The following WASF3 variants were observed in gnomAD, a reference collection of about 807,000 sequenced individuals.
The protein encoded by WASF3 is WASP family member 3, also known as actin-binding protein WASF3.
WASF3 carries 11 observed loss-of-function variants against 46.6 expected under a neutral mutation model. The ratio of observed to expected loss-of-function variants is 0.24; its 90% CI spans 0.15 to 0.39. The LOEUF (loss-of-function observed/expected upper bound fraction) is 0.39, where lower values mean the gene tolerates loss of function less well. WASF3 is among the 10% of genes least tolerant of loss of function. The pLI is 1.00. For missense variants in WASF3, 576 were observed against 669.8 expected (o/e 0.86, Z 1.55); for synonymous variants, 242 against 259.7 (o/e 0.93, Z 0.65).
At chr13:26,640,797 T>C (rs574269104) in intron 2 of WASF3, 3 of 150,232 alleles carry the variant, frequency 2.0e-5, no homozygotes, top group East Asian at 1.9e-4. Context: ...TTGACTCTTA[T>C]TTAAGTCTGA....
chr13:26,685,087 CAAAA>C (rs57659738), intron 9 of WASF3, among the ~76,000 whole-genome samples: 11 of 134,690 alleles, frequency 8.2e-5, no homozygotes, highest in East Asian at 2.2e-4. Flanking sequence ...GACCCAATCT[CAAAA>C]AAAAAAAAAA....
At chr13:26,610,518 G>T (rs1259637272) in intron 1 of WASF3, among the ~76,000 whole-genome samples, 2 of 152,192 alleles carry the variant, frequency 1.3e-5, no homozygotes, top group East Asian at 3.8e-4. Flanking sequence ...TTATTGAGCA[G>T]GTAGAGGCAT....
chr13:26,614,640 A>G (rs12867025), intron 2 of WASF3, among the ~76,000 whole-genome samples: 40,952 of 151,964 alleles, frequency 0.27, 5,986 homozygotes, highest in Non-Finnish European at 0.34. Context: ...TTCACTTCCT[A>G]TCCAATTTAT....
chr13:26,588,457 C>A (rs1003659990), intron 1 of WASF3, among the ~76,000 whole-genome samples: 2 of 152,166 alleles, frequency 1.3e-5, no homozygotes, highest in Non-Finnish European at 2.9e-5. Context: ...TGTCTGTCCC[C>A]ATTCAGTCAG....
chr13:26,540,198 T>C, the WASF3 span, among the ~76,000 whole-genome samples: 1 of 152,196 alleles, frequency 6.6e-6, no homozygotes, highest in Non-Finnish European at 1.5e-5. Flanking sequence ...TGCCAGTTCC[T>C]GCTCCTCCTA....
At chr13:26,602,108 T>G (rs1031726526) in intron 1 of WASF3, among the ~76,000 whole-genome samples, 1 of 152,198 alleles carries the variant, frequency 6.6e-6, no homozygotes, top group African/African-American at 2.4e-5. Flanking sequence ...AAGGGGAGCT[T>G]GAGACTCAAA....
chr13:26,640,440 C>T (rs1170610577), intron 2 of WASF3: 2 of 150,102 alleles, frequency 1.3e-5, no homozygotes, highest in African/African-American at 4.9e-5. Flanking sequence ...CTCACTCTGT[C>T]ACCCAGGCTG....
chr13:26,618,133 CACTT>C (rs1347691366), intron 2 of WASF3, among the ~76,000 whole-genome samples: 1 of 152,174 alleles, frequency 6.6e-6, no homozygotes, highest in African/African-American at 2.4e-5. Context: ...CACCCATTAA[CACTT>C]ACTGTGATTA....
chr13:26,573,849 A>G (rs989170893), intron 1 of WASF3, among the ~76,000 whole-genome samples: 4 of 152,214 alleles, frequency 2.6e-5, no homozygotes, highest in Non-Finnish European at 4.4e-5. Flanking sequence ...TCCAAAGGTA[A>G]CCACTAAGTT....
intron 2 of WASF3, chr13:26,626,017 G>C (rs938586526): frequency 6.6e-6 from 1 of 152,154 alleles, no homozygotes; most frequent in African/African-American, 2.4e-5. Context: ...AAAACCACTA[G>C]CAGGATGTGT....
chr13:26,666,866 C>CAG (rs1882789057), intron 4 of WASF3, among the ~76,000 whole-genome samples: 1 of 62,808 alleles, frequency 1.6e-5, no homozygotes, highest in African/African-American at 5.1e-5. Flanking sequence ...AAGACTGTCT[C>CAG]AAAAAAAAAA....
At chr13:26,666,763 G>T (rs1342106843) in intron 4 of WASF3, among the ~76,000 whole-genome samples, 1 of 151,746 alleles carries the variant, frequency 6.6e-6, no homozygotes, top group Non-Finnish European at 1.5e-5. Context: ...GCCGGTCGTG[G>T]TGGCGGGTGC....
Position 26,681,282 on chromosome 13 carries a change from G to A in WASF3, c.945G>A (p.Gly315=). The A allele has an allele frequency of 6.2e-7, 1 of 1,612,218 alleles. No individual in the cohort carries two copies. Among genetic ancestry groups the A allele is most frequent in the Non-Finnish European group, 8.5e-7 (1 of 1,179,320 alleles). ...PPPPPPQAPE[G]SQASAPMAPA... ...CGCCTCCCCCTCAGGCCCCAGAGGG[G>A]TCCCAGGCCTCTGCACCGATGGCTC... Residue 315 remains glycine, a synonymous_variant, in exon 8 of 10, where the codon GGG becomes GGA. Coordinates refer to ENST00000335327, the MANE Select transcript of WASF3 (RefSeq NM_006646.6).
chr13:26,654,101 T>C (rs1882397891), intron 3 of WASF3, among the ~76,000 whole-genome samples: 1 of 152,172 alleles, frequency 6.6e-6, no homozygotes, highest in African/African-American at 2.4e-5. Context: ...TCCAAGTCAC[T>C]ATGCCTCTTG....
At chr13:26,663,916 C>T (rs981313445) in intron 3 of WASF3, among the ~76,000 whole-genome samples, 2 of 152,174 alleles carry the variant, frequency 1.3e-5, no homozygotes, top group African/African-American at 2.4e-5. Flanking sequence ...GGGATTTGGA[C>T]GGATCACCTT....
chr13:26,592,856 CTG>C (rs1310988657), intron 1 of WASF3, among the ~76,000 whole-genome samples: 1 of 152,058 alleles, frequency 6.6e-6, no homozygotes, highest in East Asian at 1.9e-4. Context: ...GTGCCTGTCT[CTG>C]TGGGTTAAGC....
At chr13:26,647,522 A>G (rs559057501) in intron 3 of WASF3, among the ~76,000 whole-genome samples, 1 of 152,350 alleles carries the variant, frequency 6.6e-6, no homozygotes, top group East Asian at 1.9e-4. Flanking sequence ...ATCAATTAAA[A>G]TCACAGTATC....
At chr13:26,624,297 A>G (rs1373095934) in intron 2 of WASF3, among the ~76,000 whole-genome samples, 1 of 152,250 alleles carries the variant, frequency 6.6e-6, no homozygotes, top group Non-Finnish European at 1.5e-5. Context: ...TTGGAAATGT[A>G]AAAACAAATT....
At chr13:26,583,820 AG>A (rs1348715688) in intron 1 of WASF3, among the ~76,000 whole-genome samples, 2 of 152,204 alleles carry the variant, frequency 1.3e-5, no homozygotes, top group African/African-American at 4.8e-5. Flanking sequence ...CTCTTCAAAT[AG>A]CTACAGCAGC....
Sources: gnomAD v4.1 joint callset for allele counts (sites outside exome capture counted in the v4.1 genomes callset) on GRCh38, gnomAD v4.1.1 for gene constraint, MANE v1.5 for transcripts, NCBI Gene and HGNC (gene_info 2026-07-23, HGNC 2026-07-21) for gene names.